The following FAM98C variants were observed in gnomAD, a reference collection of about 807,000 sequenced individuals.
The protein encoded by FAM98C is protein FAM98C.
A neutral mutation model predicts 41.1 loss-of-function variants in FAM98C; 38 were observed. The observed-to-expected ratio is 0.92, with a 90% CI of 0.71 to 1.21. The LOEUF (loss-of-function observed/expected upper bound fraction) is 1.21, where lower values mean the gene tolerates loss of function less well. FAM98C is among the 50% of genes most tolerant of loss of function. The probability of loss-of-function intolerance (pLI) is 0.00; values close to 1 mark genes in which losing one functional copy is unlikely to be tolerated. For missense variants in FAM98C, 493 were observed against 484.7 expected (o/e 1.02, Z -0.16); for synonymous variants, 195 against 216.7 (o/e 0.90, Z 0.88).
chr19:38,406,849 T>A (rs1364224410), intron 6 of FAM98C, 61 bp from the exon 7 acceptor site: 1 of 1,550,732 alleles, frequency 6.4e-7, no homozygotes, highest in Non-Finnish European at 8.9e-7. Context: ...GCTTCCAAGA[T>A]GACAGGTCCC....
chr19:38,403,437 C>T lies in FAM98C; in HGVS notation c.165C>T (p.Ala55=), dbSNP rs1970993943. ...CGGCGGAGCTGGCGACGCTGGGCGC[C>T]CTCGAGCAGCAGCGAGAGGCGGGCG... The part of the protein sequence containing the change: ...RLAAELATLG[A]LEQQREAGAE... Residue 55 remains alanine (A), a synonymous_variant, in exon 2 of 8, where the codon GCC becomes GCT. Coordinates refer to ENST00000252530, the MANE Select transcript of FAM98C (RefSeq NM_174905.4). The T allele has an allele frequency of 7.0e-7, 1 of 1,419,808 alleles. No homozygotes were observed. Among genetic ancestry groups the T allele is most frequent in the Non-Finnish European group, 9.1e-7 (1 of 1,097,750 alleles). The allele number at this position is 1,419,808 out of a possible 1,614,324, so 88.0% of individuals were successfully genotyped here. A position where few individuals can be genotyped will look rare whatever the true frequency, so the allele number is the denominator to read the frequency against.
chr19:38,408,603 C>G (rs1971086157), intron 7 of FAM98C, 148 bp from the exon 8 acceptor site: 1 of 947,666 alleles, frequency 1.1e-6, no homozygotes, highest in African/African-American at 1.7e-5. Flanking sequence ...GTATCTTCCA[C>G]CAGTTCAGTC....
At chr19:38,407,227 C>A in intron 7 of FAM98C, 150 bp downstream of exon 7, 2 of 819,242 alleles carry the variant, frequency 2.4e-6, no homozygotes, top group Non-Finnish European at 3.8e-6. Flanking sequence ...CAAAAACTGA[C>A]TGTGGACTCC....
At chr19:38,406,621 T>TAA in intron 6 of FAM98C, 66 of 265,256 alleles carry the variant, frequency 2.5e-4, no homozygotes, top group Middle Eastern at 1.3e-3. Context: ...TACTAAAAAT[T>TAA]AAAAAAAAAA....
At chr19:38,404,226 C>A (rs1971007397) in intron 3 of FAM98C, among the ~76,000 whole-genome samples, 1 of 151,850 alleles carries the variant, frequency 6.6e-6, no homozygotes, top group Non-Finnish European at 1.5e-5. Flanking sequence ...GGCCTAGGAG[C>A]TCAAGTGGGT....
At position 38,403,620 on chromosome 19, in the gene FAM98C, G is replaced by C. The variant is rs560177436; in HGVS notation, c.275G>C (p.Cys92Ser). 4 of 1,458,622 alleles carry C rather than the reference G, an allele frequency of 2.7e-6. No individual in the cohort carries two copies. The highest frequency in any genetic ancestry group is 3.6e-6 in the Non-Finnish European group (4 of 1,118,040). The allele number at this position is 1,458,622 out of a possible 1,614,324, so 90.4% of individuals were successfully genotyped here. The change falls in exon 3 of 8, where the codon TGC becomes TCC. Residue 92 changes from cysteine to serine, a missense_variant. Physicochemically the swap from Cys to Ser is moderately radical, Grantham distance 112. Coordinates refer to ENST00000252530, the MANE Select transcript of FAM98C (RefSeq NM_174905.4). ...GGCAGCCTGCTGCGGGAGCTGCACTGCCCGGATCGCGCGCTCTGCGGCGGG... is the reference window on the plus strand; with the variant it reads ...GGCAGCCTGCTGCGGGAGCTGCACTCCCCGGATCGCGCGCTCTGCGGCGGG... ...QLGSLLRELH[C>S]PDRALCGGDG...
At chr19:38,403,864 G>A (rs1483133243) in intron 3 of FAM98C, among the ~76,000 whole-genome samples, 170 bp downstream of exon 3, 1 of 152,132 alleles carries the variant, frequency 6.6e-6, no homozygotes, top group Admixed American at 6.5e-5. Flanking sequence ...GCTCTAAAAT[G>A]GGCGGGGGTA....
At chr19:38,407,189 C>A in intron 7 of FAM98C, 112 bp downstream of exon 7, 1 of 1,300,498 alleles carries the variant, frequency 7.7e-7, no homozygotes, top group Non-Finnish European at 1.1e-6. Flanking sequence ...ACCCACTAGA[C>A]ATGGCAGCTA....
Position 38,403,639 on chromosome 19 carries a change from C to G in FAM98C, c.294C>G (p.Cys98Trp). 1 of 1,418,898 alleles carries G rather than the reference C, an allele frequency of 7.0e-7. No homozygotes were observed. The highest frequency in any genetic ancestry group is 9.1e-7 in the Non-Finnish European group (1 of 1,096,586). The allele number at this position is 1,418,898 out of a possible 1,614,324, so 87.9% of individuals were successfully genotyped here. A position where few individuals can be genotyped will look rare whatever the true frequency, so the allele number is the denominator to read the frequency against. Residue 98 changes from cysteine to tryptophan, a missense_variant, in exon 3 of 8, where the codon TGC becomes TGG. By Grantham distance (215) the Cys-to-Trp change is radical. Coordinates refer to ENST00000252530, the MANE Select transcript of FAM98C (RefSeq NM_174905.4). ...RELHCPDRAL[C>W]GGDGAAALRE... The stretch of plus-strand genomic sequence containing the variant: ...TGCACTGCCCGGATCGCGCGCTCTG[C>G]GGCGGGGATGGCGCGGCTGCGCTTC...
rs751386424 is a variant in FAM98C, at chr19:38,403,176, C to A, written c.23C>A (p.Ala8Glu). The change falls in exon 1 of 8, where the codon GCG becomes GAG. Residue 8 changes from alanine to glutamate, a missense_variant. Transcript: ENST00000252530. MEAVKAEAWEGAAVAQDL... is the reference protein window; with the variant it reads MEAVKAEEWEGAAVAQDL... ...TTCATGGAGGCGGTGAAGGCGGAAGCGTGGGAGGGGGCCGCGGTGGCCCAG... is the reference window on the plus strand; with the variant it reads ...TTCATGGAGGCGGTGAAGGCGGAAGAGTGGGAGGGGGCCGCGGTGGCCCAG... 4 of 1,533,476 alleles carry A rather than the reference C, an allele frequency of 2.6e-6. No homozygotes were observed. In the African/African-American group the frequency reaches 5.8e-5, roughly 22 times the overall value. 95.0% of individuals were successfully genotyped at this position (1,533,476 alleles called of 1,614,324 possible).
intron 5 of FAM98C, 26 bp from the exon 6 acceptor site, chr19:38,405,493 C>A: frequency 6.2e-7 from 1 of 1,613,996 alleles, no homozygotes; most frequent in Non-Finnish European, 8.5e-7. Flanking sequence ...GGACCCCTAG[C>A]CTGACCTTGA....
Position 38,403,638 on chromosome 19 carries a change from G to A in FAM98C, c.293G>A (p.Cys98Tyr). The change falls in exon 3 of 8, where the codon TGC (cysteine) becomes TAC (tyrosine). Residue 98 changes from cysteine (C) to tyrosine (Y), a missense_variant. Coordinates refer to ENST00000252530, the MANE Select transcript of FAM98C (RefSeq NM_174905.4). ...CTGCACTGCCCGGATCGCGCGCTCT[G>A]CGGCGGGGATGGCGCGGCTGCGCTT... is the stretch of plus-strand genomic sequence containing the variant. ...RELHCPDRAL[C>Y]GGDGAAALRE... 1.4e-6 allele frequency: 2 copies of A among 1,420,424 alleles called. No homozygotes were observed. The highest frequency in any genetic ancestry group is 1.8e-6 in the Non-Finnish European group (2 of 1,097,386). The allele number at this position is 1,420,424 out of a possible 1,614,324, so 88.0% of individuals were successfully genotyped here. A position where few individuals can be genotyped will look rare whatever the true frequency, so the allele number is the denominator to read the frequency against.
intron 6 of FAM98C, 72 bp from the exon 7 acceptor site, chr19:38,406,838 T>C: frequency 6.7e-7 from 1 of 1,491,132 alleles, no homozygotes; most frequent in Non-Finnish European, 9.3e-7. Context: ...GGTAAAGTAA[T>C]GCTTCCAAGA....
rs189890451 is a variant in FAM98C at position 38,408,672 on chromosome 19, C to T, written c.919-79C>T. The stretch of plus-strand genomic sequence containing the variant: ...ACATCTGCTGTTTCTTCTTCAGCCT[C>T]ATGCTGTTCCCTTCGCTCTCTGGCC... On this transcript the variant is annotated intron_variant, in intron 7 of 7. Transcript: ENST00000252530. 2.5e-6 allele frequency: 4 copies of T among 1,591,740 alleles called. No individual in the cohort carries two copies. The East Asian group carries it at 6.7e-5, about 27-fold the overall frequency.
At chr19:38,408,583 G>C in intron 7 of FAM98C, 168 bp from the exon 8 acceptor site, 1 of 786,726 alleles carries the variant, frequency 1.3e-6, no homozygotes. Flanking sequence ...AAAAAAGAAA[G>C]CTCATGCTAG....
At chr19:38,405,795 G>C in intron 6 of FAM98C, 160 bp downstream of exon 6, 1 of 640,624 alleles carries the variant, frequency 1.6e-6, no homozygotes, top group Non-Finnish European at 2.7e-6. Context: ...AGAATCTCAG[G>C]GTCCCAGGGT....
chr19:38,403,679 G>A lies in FAM98C; in HGVS notation c.334G>A (p.Gly112Arg), dbSNP rs1272235696. ...GAAALREPGA[G>R]LRLLRFLCSE... ...GGCTGCGCTTCGGGAACCCGGTGCCGGACTGCGCCTGCTGCGTGAGTCCCG... is the reference window on the plus strand; with the variant it reads ...GGCTGCGCTTCGGGAACCCGGTGCCAGACTGCGCCTGCTGCGTGAGTCCCG... Residue 112 changes from glycine to arginine, a missense_variant, in exon 3 of 8, where the codon GGA becomes AGA. Coordinates refer to ENST00000252530, the MANE Select transcript of FAM98C (RefSeq NM_174905.4). 7.1e-7 allele frequency: 1 copy of A among 1,414,246 alleles called. No individual in the cohort carries two copies. Among genetic ancestry groups the A allele is most frequent in the Non-Finnish European group, 9.1e-7 (1 of 1,093,978 alleles). The allele number at this position is 1,414,246 out of a possible 1,614,324, so 87.6% of individuals were successfully genotyped here.
chr19:38,403,428 G>C lies in FAM98C; in HGVS notation c.156G>C (p.Thr52=). The C allele has an allele frequency of 7.0e-7, 1 of 1,424,830 alleles. No individual in the cohort carries two copies. The highest frequency in any genetic ancestry group is 9.1e-7 in the Non-Finnish European group (1 of 1,101,038). The allele number at this position is 1,424,830 out of a possible 1,614,324, so 88.3% of individuals were successfully genotyped here. A position where few individuals can be genotyped will look rare whatever the true frequency, so the allele number is the denominator to read the frequency against. The part of the protein sequence containing the change: ...LCVRLAAELA[T]LGALEQQREA... ...TGCGGCTGGCGGCGGAGCTGGCGACGCTGGGCGCCCTCGAGCAGCAGCGAG... is the reference window on the plus strand; with the variant it reads ...TGCGGCTGGCGGCGGAGCTGGCGACCCTGGGCGCCCTCGAGCAGCAGCGAG... The change falls in exon 2 of 8, where the codon ACG becomes ACC. Residue 52 remains threonine (T), a synonymous_variant. Coordinates refer to ENST00000252530, the MANE Select transcript of FAM98C (RefSeq NM_174905.4).
chr19:38,403,664 C>T lies in FAM98C; in HGVS notation c.319C>T (p.Arg107Trp). ...CGGCGGGGATGGCGCGGCTGCGCTTCGGGAACCCGGTGCCGGACTGCGCCT... is the reference window on the plus strand; with the variant it reads ...CGGCGGGGATGGCGCGGCTGCGCTTTGGGAACCCGGTGCCGGACTGCGCCT... ...LCGGDGAAALREPGAGLRLLR... is the reference protein window; with the variant it reads ...LCGGDGAAALWEPGAGLRLLR... The change falls in exon 3 of 8, where the codon CGG becomes TGG. Residue 107 changes from arginine to tryptophan, a missense_variant. Transcript: ENST00000252530. The T allele has an allele frequency of 7.1e-7, 1 of 1,412,940 alleles. No homozygotes were observed. The highest frequency in any genetic ancestry group is 9.1e-7 in the Non-Finnish European group (1 of 1,093,112). The allele number at this position is 1,412,940 out of a possible 1,614,324, so 87.5% of individuals were successfully genotyped here.
Sources: gnomAD v4.1 joint callset for allele counts (sites outside exome capture counted in the v4.1 genomes callset) on GRCh38, gnomAD v4.1.1 for gene constraint, MANE v1.5 for transcripts, NCBI Gene and HGNC (gene_info 2026-07-23, HGNC 2026-07-21) for gene names.